Variants in USP15 observed in about 807,000 individuals in gnomAD.
USP15 encodes ubiquitin specific peptidase 15.
Under a neutral mutation model 127.1 loss-of-function variants are expected in USP15, and 18 were observed. The observed-to-expected ratio is 0.14, with a 90% CI of 0.10 to 0.21. The LOEUF (loss-of-function observed/expected upper bound fraction) is 0.21, where lower values mean the gene tolerates loss of function less well. Among genes scored for constraint, USP15 ranks in the 10% least tolerant of loss-of-function variants. USP15 has a pLI of 1.00. For synonymous variants in USP15, 364 were observed against 393.7 expected (o/e 0.92, Z 0.89); for missense variants, 805 against 1,159.9 (o/e 0.69, Z 4.44).
At chr12:62,392,158 T>C (rs556962989) in intron 17 of USP15, 114 bp from the exon 18 acceptor site, 4 of 788,068 alleles carry the variant, frequency 5.1e-6, no homozygotes, top group East Asian at 2.7e-5. Flanking sequence ...AAATAAGCTT[T>C]ATGATTCTTT....
chr12:62,375,604 A>G (rs550035703), intron 8 of USP15, among the ~76,000 whole-genome samples: 2 of 152,186 alleles, frequency 1.3e-5, no homozygotes, highest in Non-Finnish European at 2.9e-5. Flanking sequence ...TACACAGAGG[A>G]AGATACGACA....
At chr12:62,290,999 A>C (rs2137138604) in intron 1 of USP15, among the ~76,000 whole-genome samples, 1 of 152,018 alleles carries the variant, frequency 6.6e-6, no homozygotes, top group East Asian at 1.9e-4. Flanking sequence ...AGTCTGATGG[A>C]GTTTCCTTTG....
At chr12:62,364,514 GTATT>G (rs536301733) in intron 8 of USP15, among the ~76,000 whole-genome samples, 18 of 151,938 alleles carry the variant, frequency 1.2e-4, no homozygotes, top group East Asian at 9.7e-4. Context: ...TTTCTTGTTT[GTATT>G]TATTTATTTA....
rs2067348478 is a variant in USP15, at chr12:62,392,196, A to T, written c.2305-76A>T. ...AGAAAGTTTAGGAGTTTTCATTATT[A>T]TTCATAGTAAGATGGTATCACTAAA... On this transcript the variant is annotated intron_variant, in intron 17 of 21. Transcript: ENST00000280377. 7 of 953,498 alleles carry T rather than the reference A, an allele frequency of 7.3e-6. No individual in the cohort carries two copies. The East Asian group carries it at 7.4e-5, about 10-fold the overall frequency. 59.1% of individuals were successfully genotyped at this position (953,498 alleles called of 1,614,324 possible).
At chr12:62,353,620 T>A (rs1032613224) in intron 7 of USP15, among the ~76,000 whole-genome samples, 9 of 152,160 alleles carry the variant, frequency 5.9e-5, no homozygotes, top group South Asian at 2.1e-4. Flanking sequence ...TTGCTTTTTT[T>A]AAAATAATAT....
At chr12:62,372,663 G>T (rs1256641696) in intron 8 of USP15, among the ~76,000 whole-genome samples, 1 of 151,882 alleles carries the variant, frequency 6.6e-6, no homozygotes, top group Non-Finnish European at 1.5e-5. Flanking sequence ...TATGTGCAAG[G>T]GACTGAACAC....
chr12:62,333,458 T>C (rs1235515265), intron 6 of USP15, among the ~76,000 whole-genome samples: 1 of 151,974 alleles, frequency 6.6e-6, no homozygotes, highest in Non-Finnish European at 1.5e-5. Context: ...TTCTTTTGTT[T>C]GTTTGTTTTG....
At chr12:62,343,304 T>G (rs774245966) in intron 6 of USP15, among the ~76,000 whole-genome samples, 14 of 152,208 alleles carry the variant, frequency 9.2e-5, no homozygotes, top group South Asian at 2.1e-4. Context: ...AGACCTGTGC[T>G]GGCAGTGAGA....
At position 62,405,986 on chromosome 12, in the gene USP15, T is replaced by C. The variant is rs796285568; in HGVS notation, c.*1611T>C. On this transcript the variant is annotated 3_prime_UTR_variant, in exon 22 of 22. Transcript: ENST00000280377. ...TGCTTTGGGGTTTTTTTTTTCTTTT[T>C]TTTTTTTTTAATGTAAACTAACCTC... is the stretch of plus-strand genomic sequence containing the variant. 9.9e-5 allele frequency: 15 copies of C among 152,046 alleles called. No homozygotes were observed. Among genetic ancestry groups the C allele is most frequent in the African/African-American group, 2.9e-4 (12 of 41,444 alleles). 9.4% of individuals were successfully genotyped at this position (152,046 alleles called of 1,614,324 possible). A position where few individuals can be genotyped will look rare whatever the true frequency, so the allele number is the denominator to read the frequency against.
intron 2 of USP15, among the ~76,000 whole-genome samples, chr12:62,299,699 G>A (rs1382678957): frequency 1.3e-5 from 2 of 152,170 alleles, no homozygotes; most frequent in Non-Finnish European, 2.9e-5. Context: ...AAATTGTTGG[G>A]TCTTTTTAAA....
intron 1 of USP15, among the ~76,000 whole-genome samples, chr12:62,270,229 T>C (rs531505071): frequency 1.3e-4 from 20 of 152,232 alleles, no homozygotes; most frequent in African/African-American, 4.8e-4. Context: ...TTTTGTCTTT[T>C]TATTATTGCA....
intron 16 of USP15, 113 bp from the exon 17 acceptor site, chr12:62,391,697 CACCAGT>C: frequency 1.0e-6 from 1 of 990,004 alleles, no homozygotes; most frequent in Non-Finnish European, 1.4e-6. Flanking sequence ...TTGCCCTAAT[CACCAGT>C]ACAAGTAGAA....
intron 6 of USP15, among the ~76,000 whole-genome samples, chr12:62,347,720 A>T (rs2065861137): frequency 6.6e-6 from 1 of 152,088 alleles, no homozygotes; most frequent in Non-Finnish European, 1.5e-5. Context: ...AACTTGGTTG[A>T]TTCTATTTTG....
chr12:62,403,396 T>C (rs553855947), intron 21 of USP15, among the ~76,000 whole-genome samples: 2 of 151,808 alleles, frequency 1.3e-5, no homozygotes, highest in African/African-American at 4.8e-5. Context: ...AAGCAAAAAA[T>C]TGTTTGTTGA....
chr12:62,387,256 A>G (rs2067181659), intron 11 of USP15, among the ~76,000 whole-genome samples: 2 of 152,164 alleles, frequency 1.3e-5, no homozygotes, highest in African/African-American at 4.8e-5. Context: ...TTTTAGAAGG[A>G]TGAGATTACT....
intron 1 of USP15, chr12:62,278,482 T>C (rs1384474573): frequency 6.6e-6 from 1 of 152,216 alleles, no homozygotes; most frequent in Non-Finnish European, 1.5e-5. Context: ...TAGGTCTGTT[T>C]ACACCAGCAT....
intron 8 of USP15, among the ~76,000 whole-genome samples, chr12:62,368,050 C>A (rs1022203227): frequency 6.6e-6 from 1 of 152,180 alleles, no homozygotes; most frequent in East Asian, 1.9e-4. Flanking sequence ...TTATTTCTGC[C>A]TTCATTTCAT....
chr12:62,372,859 A>G (rs2066717768), intron 8 of USP15, among the ~76,000 whole-genome samples: 1 of 152,098 alleles, frequency 6.6e-6, no homozygotes, highest in African/African-American at 2.4e-5. Context: ...TCTTTAAAAT[A>G]AATATAACTT....
chr12:62,347,312 T>C (rs1236006753), intron 6 of USP15, among the ~76,000 whole-genome samples: 1 of 151,224 alleles, frequency 6.6e-6, no homozygotes, highest in Non-Finnish European at 1.5e-5. Context: ...TGTACATATA[T>C]ATATGTACAC....
Sources: allele counts gnomAD v4.1 joint callset (sites outside exome capture counted in the v4.1 genomes callset), GRCh38; gene constraint gnomAD v4.1.1; transcripts MANE v1.5; gene names NCBI Gene and HGNC (gene_info 2026-07-23, HGNC 2026-07-21).